LRRC28: variants seen among roughly 807,000 people sequenced by gnomAD.
LRRC28 encodes leucine rich repeat containing 28, also known as leucine-rich repeat-containing protein 28.
A neutral mutation model predicts 45.7 loss-of-function variants in LRRC28; 39 were observed. The ratio of observed to expected loss-of-function variants is 0.85; its 90% CI spans 0.66 to 1.12. The LOEUF (loss-of-function observed/expected upper bound fraction) is 1.12, where lower values mean the gene tolerates loss of function less well. Ranked by LOEUF, LRRC28 falls within the 50% of genes most tolerant of loss-of-function variation. LRRC28 has a pLI of 0.00. For synonymous variants in LRRC28, 206 were observed against 178.8 expected (o/e 1.15, Z -1.22); for missense variants, 435 against 438.5 (o/e 0.99, Z 0.07).
Position 99,388,263 on chromosome 15 carries a change from T to G in LRRC28, c.*2161T>G, listed in dbSNP as rs1958087021. 1.3e-5 allele frequency: 2 copies of G among 152,400 alleles called. No individual in the cohort carries two copies. The highest frequency in any genetic ancestry group is 4.8e-5 in the African/African-American group (2 of 41,594). The allele number at this position is 152,400 out of a possible 1,614,324, so 9.4% of individuals were successfully genotyped here. On this transcript the variant is annotated 3_prime_UTR_variant, in exon 10 of 10. Coordinates refer to ENST00000301981, the MANE Select transcript of LRRC28 (RefSeq NM_144598.5). ...CTTGCTACATTTTTCTATTTCATCC[T>G]CTACAATCATATGTCATGGAATGGA...
chr15:99,285,834 T>G (rs2081944403), intron 3 of LRRC28: 1 of 410,022 alleles, frequency 2.4e-6, no homozygotes, highest in Admixed American at 3.3e-5. Flanking sequence ...CTATTTTGAT[T>G]TAGGTATTCC....
At chr15:99,349,381 T>C (rs779073852) in intron 6 of LRRC28, among the ~76,000 whole-genome samples, 23 of 152,086 alleles carry the variant, frequency 1.5e-4, no homozygotes, top group Non-Finnish European at 2.8e-4. Context: ...AAAAAGGAAT[T>C]ATTAGCTGTA....
At chr15:99,314,354 C>G (rs1184518484) in intron 5 of LRRC28, among the ~76,000 whole-genome samples, 1 of 152,016 alleles carries the variant, frequency 6.6e-6, no homozygotes, top group Non-Finnish European at 1.5e-5. Context: ...GGGAGGATCA[C>G]TTAAGCTTGG....
chr15:99,310,448 C>A (rs983509314), intron 5 of LRRC28, among the ~76,000 whole-genome samples: 7 of 152,214 alleles, frequency 4.6e-5, no homozygotes, highest in Non-Finnish European at 8.8e-5. Context: ...ATGGATCAGG[C>A]TGATAACACT....
At chr15:99,264,153 G>GTCTGTT (rs975530123) in intron 2 of LRRC28, among the ~76,000 whole-genome samples, 1 of 152,228 alleles carries the variant, frequency 6.6e-6, no homozygotes, top group Non-Finnish European at 1.5e-5. Context: ...CTGTGTCTGT[G>GTCTGTT]TCTTTCCCCC....
At chr15:99,258,784 C>T (rs2152123759) in intron 2 of LRRC28, 1 of 695,848 alleles carries the variant, frequency 1.4e-6, no homozygotes, top group Non-Finnish European at 2.7e-6. Context: ...TATTTGTACC[C>T]ACATTTGTTC....
intron 7 of LRRC28, among the ~76,000 whole-genome samples, chr15:99,358,356 A>G (rs1414034370): frequency 1.3e-5 from 2 of 152,206 alleles, no homozygotes; most frequent in Non-Finnish European, 1.5e-5. Context: ...GAAATTTATG[A>G]TCAAATTACC....
At chr15:99,373,363 T>G (rs193041180) in intron 9 of LRRC28, among the ~76,000 whole-genome samples, 1 of 152,006 alleles carries the variant, frequency 6.6e-6, no homozygotes, top group Non-Finnish European at 1.5e-5. Flanking sequence ...CTTCATTTTT[T>G]AAAAAAAATT....
At chr15:99,292,981 C>T (rs751378606) in intron 5 of LRRC28, among the ~76,000 whole-genome samples, 2 of 152,162 alleles carry the variant, frequency 1.3e-5, no homozygotes, top group Non-Finnish European at 2.9e-5. Flanking sequence ...CCTCCTTCTT[C>T]CCAACTGACT....
intron 6 of LRRC28, among the ~76,000 whole-genome samples, chr15:99,350,336 G>T (rs559643035): frequency 6.6e-6 from 1 of 152,046 alleles, no homozygotes; most frequent in South Asian, 2.1e-4. Flanking sequence ...TTTGTAACTG[G>T]GCAGGATGAT....
rs1200508188 is a variant in LRRC28 at position 99,387,993 on chromosome 15, GTTC to G, written c.*1894_*1896del. The G allele has an allele frequency of 3.9e-5, 6 of 152,202 alleles. No homozygotes were observed. Among genetic ancestry groups the G allele is most frequent in the Admixed American group, 3.3e-4 (5 of 15,282 alleles). 9.4% of individuals were successfully genotyped at this position (152,202 alleles called of 1,614,324 possible). ...CGTGTGTTCCCACTGTATCTGCACT[GTTC>G]TTACTTCCTCTTGTCCCTTTTCATA... On this transcript the variant is annotated 3_prime_UTR_variant, in exon 10 of 10. Coordinates refer to ENST00000301981, the MANE Select transcript of LRRC28 (RefSeq NM_144598.5).
chr15:99,364,073 T>C (rs184018287), intron 9 of LRRC28, among the ~76,000 whole-genome samples: 155 of 152,320 alleles, frequency 1.0e-3, no homozygotes, highest in African/African-American at 3.6e-3. Flanking sequence ...GTAGTCATGT[T>C]AATAGAAACC....
intron 5 of LRRC28, among the ~76,000 whole-genome samples, chr15:99,327,505 A>G (rs1025372999): frequency 6.6e-6 from 1 of 152,142 alleles, no homozygotes; most frequent in African/African-American, 2.4e-5. Context: ...ATATTATAGT[A>G]TGTCCTTTTA....
intron 9 of LRRC28, among the ~76,000 whole-genome samples, chr15:99,382,324 C>T (rs1188318285): frequency 6.6e-6 from 1 of 152,236 alleles, no homozygotes; most frequent in Non-Finnish European, 1.5e-5. Flanking sequence ...ATGGGACCCT[C>T]CCAGCCAGGC....
chr15:99,340,260 G>T (rs1052893477), intron 6 of LRRC28, among the ~76,000 whole-genome samples: 3 of 152,200 alleles, frequency 2.0e-5, no homozygotes, highest in South Asian at 2.1e-4. Flanking sequence ...AGCAAGTAAT[G>T]GTGCAGTTTT....
rs1484174270 is a variant in LRRC28, at chr15:99,259,352, C to G, written c.168+3227C>G. On this transcript the variant is annotated intron_variant, in intron 2 of 9. Coordinates refer to ENST00000301981, the MANE Select transcript of LRRC28 (RefSeq NM_144598.5). Reference sequence around the variant, plus strand: ...TGTGGTTGAATACTGCATTCAGGCCCTTCCCGAATTTGATGGGAAGAGGTT... The same window carrying G: ...TGTGGTTGAATACTGCATTCAGGCCGTTCCCGAATTTGATGGGAAGAGGTT... The G allele has an allele frequency of 1.9e-6, 3 of 1,543,574 alleles. No individual in the cohort carries two copies. The African/African-American group carries it at 4.1e-5, about 21-fold the overall frequency.
chr15:99,381,814 TG>T (rs1302401337), intron 9 of LRRC28, among the ~76,000 whole-genome samples: 7 of 152,372 alleles, frequency 4.6e-5, no homozygotes, highest in African/African-American at 1.7e-4. Flanking sequence ...CCTGTTTGCC[TG>T]GGTATCAGCA....
rs1597455613 is a variant in LRRC28 at position 99,373,028 on chromosome 15, C to A, written c.1031+9763C>A. 2.0e-5 allele frequency among the ~76,000 whole-genome samples: 3 copies of A among 152,060 alleles called. No homozygotes were observed. The South Asian group carries it at 6.2e-4, about 32-fold the overall frequency. On this transcript the variant is annotated intron_variant, in intron 9 of 9. Coordinates refer to ENST00000301981, the MANE Select transcript of LRRC28 (RefSeq NM_144598.5). ...AGGAGCATGGGGGTAACCACCCCCC[C>A]ATGATTTAATCACCTCCCACCGGGT...
chr15:99,260,573 G>A (rs1279230745), intron 2 of LRRC28, among the ~76,000 whole-genome samples: 2 of 152,206 alleles, frequency 1.3e-5, no homozygotes, highest in African/African-American at 2.4e-5. Context: ...GGGAATAGTA[G>A]CTGTCATCCA....
Sources: gnomAD v4.1 joint callset for allele counts (sites outside exome capture counted in the v4.1 genomes callset) on GRCh38, gnomAD v4.1.1 for gene constraint, MANE v1.5 for transcripts, NCBI Gene and HGNC (gene_info 2026-07-23, HGNC 2026-07-21) for gene names.